RAN: variants seen among roughly 807,000 people sequenced by gnomAD.
RAN encodes GTP-binding nuclear protein Ran.
A neutral mutation model predicts 26.8 loss-of-function variants in RAN; 2 were observed. That is an observed-to-expected ratio of 0.07 (90% confidence interval 0.03 to 0.23). RAN has a LOEUF of 0.23. RAN is among the 10% of genes least tolerant of loss of function. RAN has a pLI of 1.00. For missense variants in RAN, 56 were observed against 264.8 expected, an observed-to-expected ratio of 0.21 and a Z score of 5.47; for synonymous variants, 132 against 95.9, an observed-to-expected ratio of 1.38 and a Z score of -2.20.
Position 130,876,788 on chromosome 12 carries a change from T to A in RAN, c.*862T>A, listed in dbSNP as rs966837806. ...AATTTTGCACTTTTTTGTTTGAATGTTAGATGCTTAGTGTGAAGTTGATAC... is the reference window on the plus strand; with the variant it reads ...AATTTTGCACTTTTTTGTTTGAATGATAGATGCTTAGTGTGAAGTTGATAC... On this transcript the variant is annotated 3_prime_UTR_variant, in exon 7 of 7. Coordinates refer to ENST00000543796, the MANE Select transcript of RAN (RefSeq NM_006325.5). 3 of 152,224 alleles carry A rather than the reference T, an allele frequency of 2.0e-5. No homozygotes were observed. Among genetic ancestry groups the A allele is most frequent in the Non-Finnish European group, 2.9e-5 (2 of 68,040 alleles). The allele number at this position is 152,224 out of a possible 1,614,324, so 9.4% of individuals were successfully genotyped here.
chr12:130,877,013 G>C lies in RAN; in HGVS notation c.*1087G>C, dbSNP rs1953258522. On this transcript the variant is annotated 3_prime_UTR_variant, in exon 7 of 7. Coordinates refer to ENST00000543796, the MANE Select transcript of RAN (RefSeq NM_006325.5). ...CTAGGAATATGCACAGTGGGGCAGT[G>C]TGGGGGCTTCTCAGTAATGGAGAAC... The C allele has an allele frequency of 6.6e-6, 1 of 151,796 alleles. No homozygotes were observed. The highest frequency in any genetic ancestry group is 1.5e-5 in the Non-Finnish European group (1 of 67,978). The allele number at this position is 151,796 out of a possible 1,614,324, so 9.4% of individuals were successfully genotyped here. A position where few individuals can be genotyped will look rare whatever the true frequency, so the allele number is the denominator to read the frequency against.
intron 1 of RAN, 47 bp from the exon 2 acceptor site, chr12:130,872,537 G>T (rs1206050670): frequency 7.2e-7 from 1 of 1,381,994 alleles, no homozygotes; most frequent in Non-Finnish European, 9.3e-7. Context: ...GGCCGCCATG[G>T]GCTGCGGGGC....
intron 5 of RAN, 47 bp from the exon 6 acceptor site, chr12:130,875,565 T>A: frequency 1.4e-6 from 2 of 1,468,316 alleles, no homozygotes; most frequent in South Asian, 1.4e-5. Flanking sequence ...AAAATCGTCA[T>A]CTTAATAATG....
Position 130,872,122 on chromosome 12 carries a change from G to A in RAN, c.-15G>A, listed in dbSNP as rs1419145077. ...GTCGGACGGGCGCGGAGACGCTTCT[G>A]GAAGGTATCGCGACCCGGCGGGCCC... On this transcript the variant is annotated 5_prime_UTR_variant, in exon 1 of 7. Coordinates refer to ENST00000543796, the MANE Select transcript of RAN (RefSeq NM_006325.5). The A allele has an allele frequency of 7.2e-6, 2 of 277,832 alleles. No homozygotes were observed. The highest frequency in any genetic ancestry group is 1.6e-5 in the Non-Finnish European group (2 of 128,022). 17.2% of individuals were successfully genotyped at this position (277,832 alleles called of 1,614,324 possible).
In RAN at chr12:130,875,946, C is replaced by G; in HGVS notation, c.*20C>G. On this transcript the variant is annotated 3_prime_UTR_variant, in exon 7 of 7. Coordinates refer to ENST00000543796, the MANE Select transcript of RAN (RefSeq NM_006325.5). Reference sequence around the variant, plus strand: ...CTGTGAGAATGAAGCTGGAGCCCAGCGTCAGAAGTCTAGTTTTATAGGCAG... The same window carrying G: ...CTGTGAGAATGAAGCTGGAGCCCAGGGTCAGAAGTCTAGTTTTATAGGCAG... 2 of 1,612,900 alleles carry G rather than the reference C, an allele frequency of 1.2e-6. No homozygotes were observed. Among genetic ancestry groups the G allele is most frequent in the Non-Finnish European group, 1.7e-6 (2 of 1,179,216 alleles).
rs1001226339 is a variant in RAN, at chr12:130,876,231, C to A, written c.*305C>A. On this transcript the variant is annotated 3_prime_UTR_variant, in exon 7 of 7. Transcript: ENST00000543796. ...TGAAATCTTGTTTGTTACTGTCATTCCCATTCCTTTTCGTTTAGAATCAGA... is the reference window on the plus strand; with the variant it reads ...TGAAATCTTGTTTGTTACTGTCATTACCATTCCTTTTCGTTTAGAATCAGA... 2 of 368,760 alleles carry A rather than the reference C, an allele frequency of 5.4e-6. No individual in the cohort carries two copies. Among genetic ancestry groups the A allele is most frequent in the Non-Finnish European group, 9.8e-6 (2 of 203,458 alleles). 22.8% of individuals were successfully genotyped at this position (368,760 alleles called of 1,614,324 possible). A position where few individuals can be genotyped will look rare whatever the true frequency, so the allele number is the denominator to read the frequency against.
intron 2 of RAN, 30 bp from the exon 3 acceptor site, chr12:130,872,806 G>A (rs1408590547): frequency 1.2e-6 from 2 of 1,610,810 alleles, no homozygotes; most frequent in Admixed American, 1.7e-5. Flanking sequence ...AAGTGTTTAG[G>A]GTTTACTTCC....
intron 4 of RAN, chr12:130,873,633 T>C (rs1411924139): frequency 6.2e-6 from 1 of 161,792 alleles, no homozygotes; most frequent in Non-Finnish European, 1.4e-5. Context: ...GCAAGGAAAA[T>C]GTTCATTGTA....
chr12:130,875,541 T>C, intron 5 of RAN, 71 bp from the exon 6 acceptor site: 1 of 1,336,806 alleles, frequency 7.5e-7, no homozygotes, highest in South Asian at 1.5e-5. Flanking sequence ...TTTCTTATCT[T>C]GCAATGTCCT....
chr12:130,875,990 G>A lies in RAN; in HGVS notation c.*64G>A, dbSNP rs1432699712. 3.9e-6 allele frequency: 6 copies of A among 1,521,202 alleles called. No homozygotes were observed. Among genetic ancestry groups the A allele is most frequent in the Non-Finnish European group, 5.5e-6 (6 of 1,098,084 alleles). The allele number at this position is 1,521,202 out of a possible 1,614,324, so 94.2% of individuals were successfully genotyped here. The stretch of plus-strand genomic sequence containing the variant: ...TAGGCAGCTGTCCTGTGATGTCAGC[G>A]GTGCAGCGTGTGTGCCACCTCATTA... On this transcript the variant is annotated 3_prime_UTR_variant, in exon 7 of 7. Transcript: ENST00000543796.
chr12:130,874,753 C>A lies in RAN; in HGVS notation c.435+20C>A, dbSNP rs7958223. On this transcript the variant is annotated intron_variant, in intron 5 of 6. Coordinates refer to ENST00000543796, the MANE Select transcript of RAN (RefSeq NM_006325.5). The stretch of plus-strand genomic sequence containing the variant: ...CTTCAGGTGTGTAAAATTAAAACTT[C>A]CTGAGTTATTTCTCTTAGCGGAGAT... The A allele has an allele frequency of 0.3, 475,775 of 1,585,404 alleles. 72,135 individuals carry two copies. The highest frequency in any genetic ancestry group is 0.32 in the African/African-American group (23,694 of 74,208).
In RAN at chr12:130,872,117, C is replaced by G. The variant is rs1127636; in HGVS notation, c.-20C>G. On this transcript the variant is annotated 5_prime_UTR_variant, in exon 1 of 7. Transcript: ENST00000543796. ...CCTCAGTCGGACGGGCGCGGAGACG[C>G]TTCTGGAAGGTATCGCGACCCGGCG... is the stretch of plus-strand genomic sequence containing the variant. 7.0e-6 allele frequency: 2 copies of G among 285,928 alleles called. No individual in the cohort carries two copies. Among genetic ancestry groups the G allele is most frequent in the Non-Finnish European group, 7.6e-6 (1 of 131,488 alleles). 17.7% of individuals were successfully genotyped at this position (285,928 alleles called of 1,614,324 possible). A position where few individuals can be genotyped will look rare whatever the true frequency, so the allele number is the denominator to read the frequency against.
Position 130,872,935 on chromosome 12 carries a change from A to G in RAN, c.121+15A>G. 1 of 1,614,128 alleles carries G rather than the reference A, an allele frequency of 6.2e-7. No homozygotes were observed. The highest frequency in any genetic ancestry group is 1.7e-5 in the Admixed American group (1 of 60,002). On this transcript the variant is annotated intron_variant, in intron 3 of 6. Transcript: ENST00000543796. ...GAAGTATGTAGGTATGTGCTGGAAA[A>G]CCTTGCTTGTGGAAATATGTGAGAA...
intron 1 of RAN, 74 bp from the exon 2 acceptor site, chr12:130,872,510 T>C: frequency 2.6e-6 from 3 of 1,162,890 alleles, no homozygotes; most frequent in Non-Finnish European, 3.3e-6. Context: ...CGTGGGGCGC[T>C]GGGGGCGCGG....
chr12:130,874,196 C>T (rs970315807), intron 4 of RAN: 2 of 226,436 alleles, frequency 8.8e-6, no homozygotes, highest in African/African-American at 2.3e-5. Context: ...TATAGCCAGC[C>T]ATTTAAAGAC....
rs1258944841 is a variant in RAN at position 130,876,806 on chromosome 12, GT to G, written c.*882del. The G allele has an allele frequency of 6.6e-6, 1 of 152,194 alleles. No homozygotes were observed. The highest frequency in any genetic ancestry group is 2.4e-5 in the African/African-American group (1 of 41,452). The allele number at this position is 152,194 out of a possible 1,614,324, so 9.4% of individuals were successfully genotyped here. On this transcript the variant is annotated 3_prime_UTR_variant, in exon 7 of 7. Transcript: ENST00000543796. ...TTGAATGTTAGATGCTTAGTGTGAA[GT>G]TGATACGCAAGGAAAATGGTCCATG...
intron 5 of RAN, 130 bp downstream of exon 5, chr12:130,874,863 C>A (rs1953208975): frequency 2.4e-6 from 2 of 817,910 alleles, no homozygotes; most frequent in South Asian, 2.0e-5. Flanking sequence ...TCCTCTGTCC[C>A]CCATGCTGGA....
intron 5 of RAN, among the ~76,000 whole-genome samples, chr12:130,875,326 A>G (rs747254308): frequency 7.2e-5 from 11 of 151,958 alleles, no homozygotes; most frequent in East Asian, 1.9e-4. Context: ...GGCTCAAGCA[A>G]TCCTCCCACC....
At position 130,876,828 on chromosome 12, in the gene RAN, C is replaced by G. The variant is rs181045207; in HGVS notation, c.*902C>G. On this transcript the variant is annotated 3_prime_UTR_variant, in exon 7 of 7. Transcript: ENST00000543796. Reference sequence around the variant, plus strand: ...GAAGTTGATACGCAAGGAAAATGGTCCATGTTTACCCACAGTTTTCAGGTA... The same window carrying G: ...GAAGTTGATACGCAAGGAAAATGGTGCATGTTTACCCACAGTTTTCAGGTA... 1.3e-5 allele frequency: 2 copies of G among 152,124 alleles called. No individual in the cohort carries two copies. Among genetic ancestry groups the G allele is most frequent in the Non-Finnish European group, 2.9e-5 (2 of 68,028 alleles). 9.4% of individuals were successfully genotyped at this position (152,124 alleles called of 1,614,324 possible).
Sources: gnomAD v4.1 joint callset for allele counts (sites outside exome capture counted in the v4.1 genomes callset) on GRCh38, gnomAD v4.1.1 for gene constraint, MANE v1.5 for transcripts, NCBI Gene and HGNC (gene_info 2026-07-23, HGNC 2026-07-21) for gene names.